TCF24: variants seen among roughly 807,000 people sequenced by gnomAD.
The protein encoded by TCF24 is transcription factor 24.
A neutral mutation model predicts 9.3 loss-of-function variants in TCF24; 5 were observed. The observed-to-expected ratio is 0.54, with a 90% confidence interval of 0.28 to 1.13. The LOEUF (loss-of-function observed/expected upper bound fraction) is 1.13, where lower values mean the gene tolerates loss of function less well. TCF24 is among the 50% of genes most tolerant of loss of function. The pLI, the probability that TCF24 is intolerant of heterozygous loss-of-function variation, is 0.09. For synonymous variants in TCF24, 110 were observed against 115.8 expected (o/e 0.95, Z 0.32); for missense variants, 220 against 236.1 (o/e 0.93, Z 0.45).
chr8:66,955,953 A>T (rs1387704854), intron 3 of TCF24, among the ~76,000 whole-genome samples: 1 of 151,840 alleles, frequency 6.6e-6, no homozygotes, highest in Non-Finnish European at 1.5e-5. Context: ...TTTTTATGAG[A>T]CAGGGTCTCA....
chr8:66,956,477 C>G (rs1037726874), intron 3 of TCF24, among the ~76,000 whole-genome samples: 2 of 152,166 alleles, frequency 1.3e-5, no homozygotes, highest in African/African-American at 4.8e-5. Flanking sequence ...ATTCTCCTGC[C>G]TGAGCCTCCC....
Sources: allele counts gnomAD v4.1 joint callset (sites outside exome capture counted in the v4.1 genomes callset), GRCh38; gene constraint gnomAD v4.1.1; transcripts MANE v1.5; gene names NCBI Gene and HGNC (gene_info 2026-07-23, HGNC 2026-07-21).